CLCN3: variants seen among roughly 807,000 people sequenced by gnomAD.
CLCN3 encodes the protein Cl-/H+ antiporter 3.
CLCN3 carries 16 observed loss-of-function variants against 83.4 expected under a neutral mutation model. The ratio of observed to expected loss-of-function variants is 0.19; its 90% CI spans 0.13 to 0.29. The LOEUF (loss-of-function observed/expected upper bound fraction) is 0.29. CLCN3 is among the 10% of genes least tolerant of loss of function. The pLI is 1.00. For synonymous variants in CLCN3, 322 were observed against 346.2 expected (o/e 0.93, Z 0.78); for missense variants, 544 against 1,006.0 (o/e 0.54, Z 6.21).
intron 9 of CLCN3, among the ~76,000 whole-genome samples, chr4:169,699,055 C>T (rs1373868860): frequency 5.9e-5 from 9 of 152,330 alleles, no homozygotes; most frequent in East Asian, 5.8e-4. Flanking sequence ...TCAGTTGCTT[C>T]GAAACTTTCT....
chr4:169,713,707 A>G (rs1210972293), intron 12 of CLCN3, among the ~76,000 whole-genome samples: 1 of 152,102 alleles, frequency 6.6e-6, no homozygotes, highest in African/African-American at 2.4e-5. Flanking sequence ...GTTTCTAGAT[A>G]TTTTGCTATT....
intron 2 of CLCN3, among the ~76,000 whole-genome samples, chr4:169,641,650 A>G (rs1332868453): frequency 6.6e-6 from 1 of 152,218 alleles, no homozygotes; most frequent in Non-Finnish European, 1.5e-5. Flanking sequence ...CTGCCTACAC[A>G]AGACGTTTCA....
intron 11 of CLCN3, among the ~76,000 whole-genome samples, chr4:169,709,654 G>A (rs1275409618): frequency 1.3e-5 from 2 of 151,758 alleles, no homozygotes; most frequent in Admixed American, 1.3e-4. Flanking sequence ...ACTCCAGCCT[G>A]GGCGAAGAGC....
intron 10 of CLCN3, among the ~76,000 whole-genome samples, chr4:169,704,516 T>G: frequency 6.6e-6 from 1 of 152,200 alleles, no homozygotes; most frequent in South Asian, 2.1e-4. Flanking sequence ...TCGTTAAGGA[T>G]CTTGGCTTAC....
At chr4:169,645,373 A>G (rs986645308) in intron 2 of CLCN3, among the ~76,000 whole-genome samples, 2 of 152,210 alleles carry the variant, frequency 1.3e-5, no homozygotes, top group African/African-American at 4.8e-5. Context: ...CACAGAAAAA[A>G]CATTGGAGGA....
intron 1 of CLCN3, among the ~76,000 whole-genome samples, chr4:169,633,526 T>C (rs1773431584): frequency 1.3e-5 from 2 of 152,182 alleles, no homozygotes; most frequent in African/African-American, 4.8e-5. Context: ...AACCTGAAAA[T>C]ATTTAACACT....
intron 9 of CLCN3, chr4:169,702,933 G>T (rs1051325075): frequency 3.7e-4 from 61 of 166,704 alleles, no homozygotes; most frequent in African/African-American, 1.1e-3. Context: ...TTCTTAGTTG[G>T]ACTAATTTCA....
rs72696651 is a variant in CLCN3 at position 169,712,016 on chromosome 4, G to A, written c.2150-1063G>A. On this transcript the variant is annotated intron_variant, in intron 11 of 12. Coordinates refer to ENST00000513761, the MANE Select transcript of CLCN3 (RefSeq NM_001829.4). ...ATTACTTGGGACCACCAGCATGCTT[G>A]GCCGATTTTTTTTTTTTTTTTTTTT... Among the ~76,000 whole-genome samples, 613 of 143,022 alleles carry A rather than the reference G, an allele frequency of 4.3e-3. 7 individuals carry two copies. The highest frequency in any genetic ancestry group is 0.038 in the South Asian group (158 of 4,144). The allele number at this position is 143,022 out of a possible 152,430, so 93.8% of individuals were successfully genotyped here.
intron 2 of CLCN3, among the ~76,000 whole-genome samples, chr4:169,646,609 G>A (rs1006716927): frequency 5.3e-5 from 8 of 151,980 alleles, no homozygotes; most frequent in Non-Finnish European, 8.8e-5. Context: ...TTAAATTATC[G>A]AACTAATACA....
At chr4:169,715,324 G>A (rs763898891) in intron 12 of CLCN3, among the ~76,000 whole-genome samples, 2 of 152,084 alleles carry the variant, frequency 1.3e-5, no homozygotes, top group African/African-American at 2.4e-5. Flanking sequence ...TATGAAAAAA[G>A]GGGTTGGACT....
rs890378570 is a variant in CLCN3, at chr4:169,620,814, G to A, written c.-266G>A. Reference sequence around the variant, plus strand: ...AGCAGGTTGACTCTAGGGATCTCCAGAGCGAGAGGATTTAACTTCATGTTG... The same window carrying A: ...AGCAGGTTGACTCTAGGGATCTCCAAAGCGAGAGGATTTAACTTCATGTTG... On this transcript the variant is annotated 5_prime_UTR_variant, in exon 1 of 13. Transcript: ENST00000513761. 6.5e-5 allele frequency: 26 copies of A among 398,488 alleles called. No individual in the cohort carries two copies. Among genetic ancestry groups the A allele is most frequent in the African/African-American group, 5.3e-4 (26 of 48,618 alleles). 24.7% of individuals were successfully genotyped at this position (398,488 alleles called of 1,614,324 possible). A position where few individuals can be genotyped will look rare whatever the true frequency, so the allele number is the denominator to read the frequency against.
intron 2 of CLCN3, among the ~76,000 whole-genome samples, chr4:169,679,017 C>T (rs1174773937): frequency 2.0e-5 from 3 of 150,812 alleles, no homozygotes; most frequent in Non-Finnish European, 4.4e-5. Context: ...ACCTCCCAGA[C>T]GGGGCGGCTG....
chr4:169,650,580 G>A (rs563240367), intron 2 of CLCN3, among the ~76,000 whole-genome samples: 2 of 152,186 alleles, frequency 1.3e-5, no homozygotes, highest in Admixed American at 6.5e-5. Context: ...CAGAGTTTTT[G>A]TAAGAAATTC....
At chr4:169,700,544 G>A (rs1341367689) in intron 9 of CLCN3, among the ~76,000 whole-genome samples, 1 of 152,122 alleles carries the variant, frequency 6.6e-6, no homozygotes, top group African/African-American at 2.4e-5. Context: ...TTATAGGTGT[G>A]AGCCACTGAA....
chr4:169,722,866 GA>G lies in CLCN3; in HGVS notation c.*2872del, dbSNP rs1228725681. Reference sequence around the variant, plus strand: ...GTGTCTCCTTTTCAACCAAAATAATGAAATAGTGGAGACCATGAAATTGTTG... The same window carrying G: ...GTGTCTCCTTTTCAACCAAAATAATGAATAGTGGAGACCATGAAATTGTTG... On this transcript the variant is annotated 3_prime_UTR_variant, in exon 13 of 13. Transcript: ENST00000513761. 3 of 152,060 alleles carry G rather than the reference GA, an allele frequency of 2.0e-5. No individual in the cohort carries two copies. Among genetic ancestry groups the G allele is most frequent in the African/African-American group, 7.2e-5 (3 of 41,380 alleles). 9.4% of individuals were successfully genotyped at this position (152,060 alleles called of 1,614,324 possible). A position where few individuals can be genotyped will look rare whatever the true frequency, so the allele number is the denominator to read the frequency against.
intron 1 of CLCN3, among the ~76,000 whole-genome samples, chr4:169,632,994 T>C (rs1773416940): frequency 6.6e-6 from 1 of 152,100 alleles, no homozygotes; most frequent in Non-Finnish European, 1.5e-5. Flanking sequence ...CTGGAAGTTT[T>C]CATAGTTTAT....
chr4:169,689,365 CAAGA>C (rs1732278917), intron 5 of CLCN3, 135 bp downstream of exon 5: 2 of 664,056 alleles, frequency 3.0e-6, no homozygotes, highest in East Asian at 3.1e-5. Context: ...CACATTGCAG[CAAGA>C]AAGAATTAAG....
At chr4:169,640,302 T>C (rs1730373472) in intron 2 of CLCN3, among the ~76,000 whole-genome samples, 1 of 152,226 alleles carries the variant, frequency 6.6e-6, no homozygotes, top group African/African-American at 2.4e-5. Flanking sequence ...AACTCAAATA[T>C]GACATCTGGA....
chr4:169,682,295 G>C (rs1731972726), intron 3 of CLCN3, among the ~76,000 whole-genome samples: 1 of 151,954 alleles, frequency 6.6e-6, no homozygotes, highest in African/African-American at 2.4e-5. Flanking sequence ...CTAAGTATTG[G>C]GAACCTATCA....
Sources: gnomAD v4.1 joint callset for allele counts (sites outside exome capture counted in the v4.1 genomes callset) on GRCh38, gnomAD v4.1.1 for gene constraint, MANE v1.5 for transcripts, NCBI Gene and HGNC (gene_info 2026-07-23, HGNC 2026-07-21) for gene names.